The following PDILT variants were observed in gnomAD, a reference collection of about 807,000 sequenced individuals.
PDILT encodes protein disulfide-isomerase-like protein of the testis.
Under a neutral mutation model 53.7 loss-of-function variants are expected in PDILT, and 43 were observed. The ratio of observed to expected loss-of-function variants is 0.80; its 90% CI spans 0.63 to 1.03. PDILT has a LOEUF of 1.03. Among genes scored for constraint, PDILT ranks in the 50% least tolerant of loss-of-function variants. The probability of loss-of-function intolerance (pLI) is 0.00; values close to 1 mark genes in which losing one functional copy is unlikely to be tolerated. For synonymous variants in PDILT, 282 were observed against 274.2 expected, an observed-to-expected ratio of 1.03 and a Z score of -0.28; for missense variants, 727 against 712.3, an observed-to-expected ratio of 1.02 and a Z score of -0.24.
Position 20,359,452 on chromosome 16 carries a change from A to G in PDILT, c.1622T>C (p.Met541Thr). The G allele has an allele frequency of 6.2e-7, 1 of 1,614,086 alleles. No homozygotes were observed. The highest frequency in any genetic ancestry group is 8.5e-7 in the Non-Finnish European group (1 of 1,180,030). Residue 541 changes from methionine (M) to threonine (T), a missense_variant, in exon 12 of 12, where the codon ATG becomes ACG. By Grantham distance (81) the Met-to-Thr change is moderately conservative (BLOSUM62 -1). Transcript: ENST00000302451. ...PEQQSPELEN[M>T]TKYVSKLEEP... Reference sequence around the variant, plus strand: ...TTCCAGCTTGGATACGTACTTGGTCATGTTCTCCAGCTCAGGCGACTGCTG... The same window carrying G: ...TTCCAGCTTGGATACGTACTTGGTCGTGTTCTCCAGCTCAGGCGACTGCTG...
At chr16:20,368,663 C>T (rs996721995) in intron 8 of PDILT, among the ~76,000 whole-genome samples, 5 of 152,044 alleles carry the variant, frequency 3.3e-5, no homozygotes, top group East Asian at 1.9e-4. Context: ...GTGGTGTGAT[C>T]GTAGCTCACT....
At position 20,369,675 on chromosome 16, in the gene PDILT, A is replaced by C. The variant is rs762166198; in HGVS notation, c.933T>G (p.Leu311=). 6.2e-7 allele frequency: 1 copy of C among 1,614,128 alleles called. No homozygotes were observed. The change falls in exon 8 of 12, where the codon CTT becomes CTG. Residue 311 remains leucine, a synonymous_variant. Coordinates refer to ENST00000302451, the MANE Select transcript of PDILT (RefSeq NM_174924.2). ...KEFQNKILFI[L]VDADEPRNGR... ...CATTTCTGGGTTCGTCTGCATCCAC[A>C]AGGATGAAAAGGATCTGCCAAAGAA...
chr16:20,370,940 T>A (rs1342987389), intron 7 of PDILT, among the ~76,000 whole-genome samples: 2 of 152,236 alleles, frequency 1.3e-5, no homozygotes, highest in Non-Finnish European at 2.9e-5. Flanking sequence ...CCACTCCTTG[T>A]TTAGCATATA....
At chr16:20,367,983 C>T (rs1966239413) in intron 8 of PDILT, among the ~76,000 whole-genome samples, 1 of 152,058 alleles carries the variant, frequency 6.6e-6, no homozygotes, top group South Asian at 2.1e-4. Context: ...GTAAGGGAAT[C>T]ATCATCAGAG....
intron 1 of PDILT, among the ~76,000 whole-genome samples, chr16:20,400,414 C>CTTTTTTTTTTTTTT (rs11343462): frequency 7.7e-6 from 1 of 130,096 alleles, no homozygotes; most frequent in Non-Finnish European, 1.6e-5. Flanking sequence ...TCAGATGATA[C>CTTTTTTTTTTTTTT]TTTTTTTTTT....
intron 2 of PDILT, among the ~76,000 whole-genome samples, chr16:20,398,295 G>A (rs1966687045): frequency 6.6e-6 from 1 of 152,054 alleles, no homozygotes. Flanking sequence ...AATGTCCAAA[G>A]AACAAAAGTG....
chr16:20,401,800 G>T (rs1314964167), intron 1 of PDILT, among the ~76,000 whole-genome samples: 1 of 152,228 alleles, frequency 6.6e-6, no homozygotes, highest in Non-Finnish European at 1.5e-5. Context: ...GAGCTACAGT[G>T]GGCTCCCTCT....
chr16:20,371,864 A>G (rs1966311709), intron 7 of PDILT, among the ~76,000 whole-genome samples: 1 of 152,198 alleles, frequency 6.6e-6, no homozygotes, highest in Non-Finnish European at 1.5e-5. Context: ...TATATTTAAC[A>G]AGAGGAATTA....
At chr16:20,362,621 A>C (rs772896246) in intron 9 of PDILT, 39 bp from the exon 10 acceptor site, 1 of 1,603,340 alleles carries the variant, frequency 6.2e-7, no homozygotes, top group South Asian at 1.1e-5. Context: ...CACATTGATG[A>C]AGATCCAGAA....
rs141671596 is a variant in PDILT, at chr16:20,400,612, T to C, written c.-7-1305A>G. 3.2e-3 allele frequency among the ~76,000 whole-genome samples: 490 copies of C among 152,186 alleles called. 1 individual carries two copies. Among genetic ancestry groups the C allele is most frequent in the African/African-American group, 0.011 (465 of 41,516 alleles). On this transcript the variant is annotated intron_variant, in intron 1 of 11. Transcript: ENST00000302451. ...ATGATTCTTTTGTTTTATTTCAACT[T>C]CTATTTGGGAAATTTTGAATATGTA...
intron 2 of PDILT, among the ~76,000 whole-genome samples, chr16:20,394,963 C>T (rs2141619946): frequency 6.6e-6 from 1 of 152,246 alleles, no homozygotes; most frequent in Admixed American, 6.5e-5. Context: ...AGTTAGCTTT[C>T]CCAGTAAACA....
chr16:20,394,868 GTAT>G (rs1966644047), intron 2 of PDILT, among the ~76,000 whole-genome samples: 1 of 152,200 alleles, frequency 6.6e-6, no homozygotes, highest in Admixed American at 6.5e-5. Context: ...CTGAATGATT[GTAT>G]GGAGCAGAGC....
intron 10 of PDILT, among the ~76,000 whole-genome samples, chr16:20,361,011 G>C (rs1966092606): frequency 2.0e-5 from 3 of 152,096 alleles, no homozygotes; most frequent in Admixed American, 6.5e-5. Context: ...GTTGTTATAA[G>C]GATTAAATGA....
Position 20,360,489 on chromosome 16 carries a change from A to G in PDILT, c.1506+79T>C, listed in dbSNP as rs529915682. The G allele has an allele frequency of 1.2e-5, 15 of 1,291,648 alleles. No homozygotes were observed. In the East Asian group the frequency reaches 2.1e-4, roughly 18 times the overall value. The allele number at this position is 1,291,648 out of a possible 1,614,324, so 80.0% of individuals were successfully genotyped here. A position where few individuals can be genotyped will look rare whatever the true frequency, so the allele number is the denominator to read the frequency against. On this transcript the variant is annotated intron_variant, in intron 11 of 11. Transcript: ENST00000302451. ...CTCCCAAGATTATGGAACTCCAGCC[A>G]TACTCTTTTGTTGTCCATTAAGTTC... is the stretch of plus-strand genomic sequence containing the variant.
At chr16:20,398,807 G>A (rs917990946) in intron 2 of PDILT, among the ~76,000 whole-genome samples, 2 of 152,114 alleles carry the variant, frequency 1.3e-5, no homozygotes, top group Non-Finnish European at 2.9e-5. Context: ...ACTGAGGCTC[G>A]GAATAATACA....
chr16:20,386,602 G>T (rs951517559), intron 2 of PDILT, among the ~76,000 whole-genome samples: 3 of 152,200 alleles, frequency 2.0e-5, no homozygotes, highest in Non-Finnish European at 4.4e-5. Flanking sequence ...GTGAATGATC[G>T]CTTTCATTAA....
chr16:20,388,264 T>C (rs770408495), intron 2 of PDILT, among the ~76,000 whole-genome samples: 4 of 152,198 alleles, frequency 2.6e-5, no homozygotes, highest in Non-Finnish European at 5.9e-5. Flanking sequence ...CTGTGCTAAG[T>C]ACTTGCTTAG....
In PDILT at chr16:20,374,841, CT is replaced by C; in HGVS notation, c.661del (p.Ser221AlafsTer11). ...VIGRFHVTLD[S>X]VLVFKKGKIV... ...TCCTACCTTTTTGAACACCAGGACGCTGTCAAGGGTGACGTGGAAACGCCCA... is the reference window on the plus strand; with the variant it reads ...TCCTACCTTTTTGAACACCAGGACGCGTCAAGGGTGACGTGGAAACGCCCA... On this transcript the variant is annotated frameshift_variant, in exon 5 of 12. Coordinates refer to ENST00000302451, the MANE Select transcript of PDILT (RefSeq NM_174924.2). LOFTEE classifies it high-confidence loss of function. 6.2e-7 allele frequency: 1 copy of C among 1,613,774 alleles called. No individual in the cohort carries two copies. The highest frequency in any genetic ancestry group is 8.5e-7 in the Non-Finnish European group (1 of 1,179,838).
chr16:20,388,553 A>C (rs1024899654), intron 2 of PDILT, among the ~76,000 whole-genome samples: 2 of 152,166 alleles, frequency 1.3e-5, no homozygotes, highest in Non-Finnish European at 2.9e-5. Flanking sequence ...AGCAGAGACA[A>C]CCTACACAGC....
Sources: allele counts gnomAD v4.1 joint callset (sites outside exome capture counted in the v4.1 genomes callset), GRCh38; gene constraint gnomAD v4.1.1; transcripts MANE v1.5; gene names NCBI Gene and HGNC (gene_info 2026-07-23, HGNC 2026-07-21).